Variants in TRIQK observed in about 807,000 individuals in gnomAD.
The protein encoded by TRIQK is triple QxxK/R motif containing.
Under a neutral mutation model 10.8 loss-of-function variants are expected in TRIQK, and 10 were observed. The ratio of observed to expected loss-of-function variants is 0.92; its 90% CI spans 0.57 to 1.57. The LOEUF (loss-of-function observed/expected upper bound fraction) is 1.57. Ranked by LOEUF, TRIQK falls within the 40% of genes most tolerant of loss-of-function variation. The pLI is 0.00. For synonymous variants in TRIQK, 33 were observed against 33.7 expected (o/e 0.98, Z 0.07); for missense variants, 107 against 97.7 (o/e 1.09, Z -0.40).
intron 1 of TRIQK, among the ~76,000 whole-genome samples, chr8:92,985,876 C>T (rs905942578): frequency 6.6e-6 from 1 of 152,062 alleles, no homozygotes; most frequent in African/African-American, 2.4e-5. Flanking sequence ...TAGTAAGAAT[C>T]CAATATTGTC....
At chr8:92,999,778 T>A (rs1423128857) in intron 1 of TRIQK, among the ~76,000 whole-genome samples, 4 of 152,186 alleles carry the variant, frequency 2.6e-5, no homozygotes, top group Non-Finnish European at 4.4e-5. Flanking sequence ...CTTTGTTTGA[T>A]CAAATTGTAT....
chr8:92,958,120 T>G (rs2130698431), intron 1 of TRIQK, among the ~76,000 whole-genome samples: 1 of 152,110 alleles, frequency 6.6e-6, no homozygotes, highest in South Asian at 2.1e-4. Flanking sequence ...CCTCAGCCTT[T>G]GCCAGCAGGT....
intron 2 of TRIQK, among the ~76,000 whole-genome samples, chr8:92,920,623 G>A (rs1032597615): frequency 2.6e-5 from 4 of 151,564 alleles, no homozygotes; most frequent in African/African-American, 9.7e-5. Flanking sequence ...CTTCAAAGCA[G>A]ACACTATTGG....
rs190524517 is a variant in TRIQK, at chr8:92,888,777, T to G, written c.148-2042A>C. ...AGGATCTGGTTGGCACTTGAATATT[T>G]TATTTATGTAACAAAACTAAACTTG... On this transcript the variant is annotated intron_variant, in intron 4 of 4. Transcript: ENST00000521988. Among the ~76,000 whole-genome samples, 53 of 151,718 alleles carry G rather than the reference T, an allele frequency of 3.5e-4. No homozygotes were observed. In the East Asian group the frequency reaches 9.9e-3, roughly 28 times the overall value.
intron 1 of TRIQK, among the ~76,000 whole-genome samples, chr8:92,977,295 C>T (rs753668726): frequency 7.9e-5 from 12 of 152,046 alleles, no homozygotes; most frequent in East Asian, 1.9e-4. Context: ...ACTTTAATGA[C>T]GTTCACTACT....
intron 2 of TRIQK, among the ~76,000 whole-genome samples, chr8:92,950,369 A>T (rs1018086955): frequency 5.9e-5 from 9 of 152,162 alleles, no homozygotes; most frequent in Non-Finnish European, 1.2e-4. Context: ...GTGCATGTAC[A>T]TATGTACATA....
chr8:92,918,162 G>A (rs1809968190), intron 2 of TRIQK, among the ~76,000 whole-genome samples: 1 of 151,998 alleles, frequency 6.6e-6, no homozygotes. Flanking sequence ...CTTCGTTATT[G>A]TGAATAATGC....
intron 1 of TRIQK, among the ~76,000 whole-genome samples, chr8:93,013,175 A>G (rs964574772): frequency 1.3e-5 from 2 of 152,222 alleles, no homozygotes; most frequent in Admixed American, 1.3e-4. Flanking sequence ...ACGGCAATGC[A>G]CAGTCTCCTA....
chr8:92,987,028 A>G (rs1331350404), intron 1 of TRIQK, among the ~76,000 whole-genome samples: 3 of 152,220 alleles, frequency 2.0e-5, no homozygotes, highest in Non-Finnish European at 4.4e-5. Flanking sequence ...ATGGTCAGCT[A>G]TAAAGTTTTA....
At chr8:93,008,012 C>A (rs1186094227) in intron 1 of TRIQK, among the ~76,000 whole-genome samples, 1 of 152,080 alleles carries the variant, frequency 6.6e-6, no homozygotes, top group Non-Finnish European at 1.5e-5. Context: ...GAGCTGGAAG[C>A]CAACATCCTC....
At chr8:92,998,878 C>T (rs1223799449) in intron 1 of TRIQK, among the ~76,000 whole-genome samples, 1 of 151,978 alleles carries the variant, frequency 6.6e-6, no homozygotes, top group Non-Finnish European at 1.5e-5. Flanking sequence ...AAAGAAAGAA[C>T]ACTTCAGAGG....
At chr8:92,939,050 T>C (rs1242543920) in intron 2 of TRIQK, among the ~76,000 whole-genome samples, 7 of 152,204 alleles carry the variant, frequency 4.6e-5, no homozygotes, top group South Asian at 4.1e-4. Context: ...TACCAGATAA[T>C]GGAACTGCAA....
chr8:92,916,752 T>C (rs1236504121), intron 3 of TRIQK, among the ~76,000 whole-genome samples, 177 bp downstream of exon 3: 1 of 152,042 alleles, frequency 6.6e-6, no homozygotes, highest in Non-Finnish European at 1.5e-5. Flanking sequence ...GAAGTTCATA[T>C]CTTTACTGGT....
chr8:92,905,855 G>C (rs1586394996), intron 3 of TRIQK, among the ~76,000 whole-genome samples: 1 of 152,270 alleles, frequency 6.6e-6, no homozygotes, highest in East Asian at 1.9e-4. Flanking sequence ...AGTAGCATCT[G>C]CTAAGAAACA....
At chr8:92,980,913 AT>A (rs1812979853) in intron 1 of TRIQK, among the ~76,000 whole-genome samples, 1 of 150,886 alleles carries the variant, frequency 6.6e-6, no homozygotes. Context: ...TATATATTTC[AT>A]TTTTATTAAT....
intron 3 of TRIQK, among the ~76,000 whole-genome samples, chr8:92,901,019 T>C (rs1167456573): frequency 1.3e-5 from 2 of 152,154 alleles, no homozygotes; most frequent in Non-Finnish European, 2.9e-5. Flanking sequence ...GGGATTACTT[T>C]CTTGATTTTT....
intron 1 of TRIQK, among the ~76,000 whole-genome samples, chr8:93,011,166 G>GTA (rs1423655611): frequency 7.0e-6 from 1 of 143,270 alleles, no homozygotes; most frequent in Non-Finnish European, 1.5e-5. Context: ...ATGTGTGTGT[G>GTA]TATACACATA....
At chr8:92,991,177 C>A (rs1813093805) in intron 1 of TRIQK, among the ~76,000 whole-genome samples, 1 of 152,222 alleles carries the variant, frequency 6.6e-6, no homozygotes, top group Non-Finnish European at 1.5e-5. Context: ...CTCCACAAAG[C>A]CACTGTAGCC....
intron 3 of TRIQK, among the ~76,000 whole-genome samples, chr8:92,900,253 T>C (rs767007863): frequency 2.2e-4 from 33 of 152,180 alleles, no homozygotes; most frequent in Non-Finnish European, 4.4e-4. Flanking sequence ...TTTAATATGA[T>C]GTAATCCCAC....
Sources: allele counts gnomAD v4.1 joint callset (sites outside exome capture counted in the v4.1 genomes callset), GRCh38; gene constraint gnomAD v4.1.1; transcripts MANE v1.5; gene names NCBI Gene and HGNC (gene_info 2026-07-23, HGNC 2026-07-21).